PRKCI: variants seen among roughly 807,000 people sequenced by gnomAD.
PRKCI encodes protein kinase C iota.
PRKCI carries 43 observed loss-of-function variants against 84.0 expected under a neutral mutation model. The ratio of observed to expected loss-of-function variants is 0.51; its 90% confidence interval spans 0.40 to 0.66. The LOEUF is 0.66. Among genes scored for constraint, PRKCI ranks in the 30% least tolerant of loss-of-function variants. PRKCI has a pLI of 0.00. For missense variants in PRKCI, 459 were observed against 745.6 expected, an observed-to-expected ratio of 0.62 and a Z score of 4.48; for synonymous variants, 216 against 234.4, an observed-to-expected ratio of 0.92 and a Z score of 0.72.
chr3:170,292,759 T>A (rs1404324774), intron 13 of PRKCI, among the ~76,000 whole-genome samples: 1 of 147,250 alleles, frequency 6.8e-6, no homozygotes, highest in Non-Finnish European at 1.5e-5. Context: ...TGCCAACATA[T>A]AGCCGGGCGC....
chr3:170,298,919 A>C, intron 16 of PRKCI, 76 bp from the exon 17 acceptor site: 8 of 864,228 alleles, frequency 9.3e-6, no homozygotes, highest in Non-Finnish European at 1.3e-5. Context: ...GTAAACAATG[A>C]GTGCAGAGGA....
chr3:170,225,514 A>G lies in PRKCI; in HGVS notation c.101+2744A>G, dbSNP rs543674174. ...TTGAAAAAGTTTTCTTTTCTCTCCA[A>G]TCTTCTGAAGGGCCATTATTACATA... On this transcript the variant is annotated intron_variant, in intron 1 of 17. Coordinates refer to ENST00000295797, the MANE Select transcript of PRKCI (RefSeq NM_002740.6). Among the ~76,000 whole-genome samples, 20 of 151,942 alleles carry G rather than the reference A, an allele frequency of 1.3e-4. 1 individual carries two copies. The highest frequency in any genetic ancestry group is 1.3e-3 in the South Asian group (6 of 4,796).
intron 12 of PRKCI, among the ~76,000 whole-genome samples, chr3:170,289,800 T>A (rs1661010352): frequency 6.6e-6 from 1 of 152,048 alleles, no homozygotes; most frequent in Admixed American, 6.5e-5. Flanking sequence ...TAATCCCAGC[T>A]ACTTGGGAGG....
intron 2 of PRKCI, among the ~76,000 whole-genome samples, chr3:170,255,487 T>G (rs1165669928): frequency 6.6e-6 from 1 of 152,216 alleles, no homozygotes; most frequent in Non-Finnish European, 1.5e-5. Flanking sequence ...TGCTACTGAT[T>G]TTTGTGTGGT....
At chr3:170,232,062 T>C (rs2108835780) in intron 1 of PRKCI, among the ~76,000 whole-genome samples, 1 of 152,248 alleles carries the variant, frequency 6.6e-6, no homozygotes. Flanking sequence ...TGCACTTTTT[T>C]TTTTTTTGAG....
intron 2 of PRKCI, among the ~76,000 whole-genome samples, chr3:170,254,725 A>T (rs1733539880): frequency 6.6e-6 from 1 of 152,116 alleles, no homozygotes; most frequent in African/African-American, 2.4e-5. Context: ...TGGTTACTAC[A>T]GTTTGTAGTA....
At chr3:170,223,851 C>T (rs1577334505) in intron 1 of PRKCI, among the ~76,000 whole-genome samples, 2 of 152,090 alleles carry the variant, frequency 1.3e-5, no homozygotes, top group African/African-American at 4.8e-5. Flanking sequence ...TCTCAAACTA[C>T]CTCTCTTGTT....
Position 170,235,147 on chromosome 3 carries a change from A to AT in PRKCI, c.102-82dup, listed in dbSNP as rs1732936981. ...TGCACACACAAAATTACTGAAGTTCATCAAATTGTCAAGCATTCAGTAATA... is the reference window on the plus strand; with the variant it reads ...TGCACACACAAAATTACTGAAGTTCATTCAAATTGTCAAGCATTCAGTAATA... On this transcript the variant is annotated intron_variant, in intron 1 of 17. Coordinates refer to ENST00000295797, the MANE Select transcript of PRKCI (RefSeq NM_002740.6). The AT allele has an allele frequency of 5.0e-6, 7 of 1,395,458 alleles. No homozygotes were observed. In the East Asian group the frequency reaches 1.4e-4, roughly 28 times the overall value. The allele number at this position is 1,395,458 out of a possible 1,614,324, so 86.4% of individuals were successfully genotyped here.
In PRKCI at chr3:170,270,576, C is replaced by CTTTTTT. The variant is rs75266191; in HGVS notation, c.591+30_591+35dup. On this transcript the variant is annotated intron_variant, in intron 6 of 17. Transcript: ENST00000295797. ...CTTTGCCACAGGTAAGATGTCTGTCCTTTTTTTTTTTTTTTTTTTTAAGAG... is the reference window on the plus strand; with the variant it reads ...CTTTGCCACAGGTAAGATGTCTGTCCTTTTTTTTTTTTTTTTTTTTTTTTTTAAGAG... The CTTTTTT allele has an allele frequency of 3.2e-3, 4,357 of 1,363,914 alleles. 148 individuals are homozygous for CTTTTTT. In the African/African-American group the frequency reaches 0.068, roughly 21 times the overall value. The allele number at this position is 1,363,914 out of a possible 1,614,324, so 84.5% of individuals were successfully genotyped here.
chr3:170,248,856 T>G (rs1733362112), intron 2 of PRKCI, among the ~76,000 whole-genome samples: 1 of 151,266 alleles, frequency 6.6e-6, no homozygotes, highest in Admixed American at 6.6e-5. Flanking sequence ...TTCTTTTCTT[T>G]TTTTTTTTTG....
chr3:170,299,385 G>A (rs541362245), intron 17 of PRKCI, among the ~76,000 whole-genome samples: 19 of 152,240 alleles, frequency 1.2e-4, no homozygotes, highest in African/African-American at 4.1e-4. Flanking sequence ...GTGCCGCCAC[G>A]CCCAGCTAAT....
intron 4 of PRKCI, among the ~76,000 whole-genome samples, chr3:170,265,913 G>A (rs1210258143): frequency 6.6e-6 from 1 of 151,978 alleles, no homozygotes; most frequent in African/African-American, 2.4e-5. Flanking sequence ...GAGCCACCGC[G>A]CCCGGCCTAA....
intron 2 of PRKCI, among the ~76,000 whole-genome samples, chr3:170,249,671 G>A (rs1733387380): frequency 1.3e-5 from 2 of 151,936 alleles, no homozygotes; most frequent in East Asian, 1.9e-4. Flanking sequence ...ATGAGCCTGT[G>A]GGATTCAGCT....
chr3:170,259,537 G>A (rs1224797147), intron 2 of PRKCI, among the ~76,000 whole-genome samples: 5 of 152,032 alleles, frequency 3.3e-5, no homozygotes, highest in Non-Finnish European at 2.9e-5. Flanking sequence ...GGCCAGGCAC[G>A]GTGCTTCACG....
intron 12 of PRKCI, 36 bp from the exon 13 acceptor site, chr3:170,291,818 T>C (rs776919556): frequency 1.3e-6 from 2 of 1,512,708 alleles, no homozygotes; most frequent in East Asian, 2.3e-5. Flanking sequence ...CAGAACTTTT[T>C]ATCTCATTCT....
chr3:170,293,375 T>C lies in PRKCI; in HGVS notation c.1292-8T>C. The C allele has an allele frequency of 2.5e-6, 4 of 1,600,110 alleles. No individual in the cohort carries two copies. Among genetic ancestry groups the C allele is most frequent in the Non-Finnish European group, 3.4e-6 (4 of 1,175,800 alleles). On this transcript the variant is annotated splice_polypyrimidine_tract_variant and splice_region_variant and intron_variant, in intron 13 of 17. Coordinates refer to ENST00000295797, the MANE Select transcript of PRKCI (RefSeq NM_002740.6). ...TATAATTTATTGCTTTAAAATTTCT[T>C]TCTGAAGGTTTCAGTGTTGACTGGT... is the stretch of plus-strand genomic sequence containing the variant.
intron 2 of PRKCI, among the ~76,000 whole-genome samples, chr3:170,237,541 AAG>A (rs1733010212): frequency 6.6e-6 from 1 of 152,212 alleles, no homozygotes; most frequent in Admixed American, 6.5e-5. Flanking sequence ...GAAATAAAAA[AAG>A]AGAGAAGATA....
intron 2 of PRKCI, among the ~76,000 whole-genome samples, chr3:170,247,262 C>T (rs953461214): frequency 4.0e-5 from 6 of 151,758 alleles, no homozygotes; most frequent in Admixed American, 6.6e-5. Context: ...TGCTATGTTG[C>T]CCAGGCTGGT....
chr3:170,233,601 G>A (rs1436227406), intron 1 of PRKCI, among the ~76,000 whole-genome samples: 1 of 152,142 alleles, frequency 6.6e-6, no homozygotes, highest in Non-Finnish European at 1.5e-5. Context: ...TAGTGGTTTC[G>A]CAATTACTGA....
Sources: gnomAD v4.1 joint callset for allele counts (sites outside exome capture counted in the v4.1 genomes callset) on GRCh38, gnomAD v4.1.1 for gene constraint, MANE v1.5 for transcripts, NCBI Gene and HGNC (gene_info 2026-07-23, HGNC 2026-07-21) for gene names.